Variants in ZNF100 observed in about 807,000 individuals in gnomAD.
The protein encoded by ZNF100 is zinc finger protein 100 (Y1).
In ZNF100, 12 loss-of-function variants were observed where a neutral mutation model predicts 15.8. The ratio of observed to expected loss-of-function variants is 0.76; its 90% CI spans 0.49 to 1.23. The LOEUF (loss-of-function observed/expected upper bound fraction) is 1.23, where lower values mean the gene tolerates loss of function less well. Among genes scored for constraint, ZNF100 ranks in the 50% most tolerant of loss-of-function variants. ZNF100 has a pLI of 0.00. For missense variants in ZNF100, 670 were observed against 635.6 expected (o/e 1.05, Z -0.58); for synonymous variants, 226 against 214.8 (o/e 1.05, Z -0.45).
chr19:21,756,186 C>G (rs2036390931), intron 2 of ZNF100, among the ~76,000 whole-genome samples: 1 of 151,916 alleles, frequency 6.6e-6, no homozygotes, highest in Admixed American at 6.6e-5. Context: ...TGTTTAAAAC[C>G]CTCAACAAAC....
chr19:21,731,245 A>G (rs1907745401), intron 4 of ZNF100, among the ~76,000 whole-genome samples: 1 of 149,372 alleles, frequency 6.7e-6, no homozygotes, highest in African/African-American at 2.5e-5. Flanking sequence ...TTTCATATCC[A>G]TAATTATTGC....
chr19:21,732,629 T>C (rs1041574514), intron 4 of ZNF100, among the ~76,000 whole-genome samples: 2 of 149,302 alleles, frequency 1.3e-5, no homozygotes, highest in African/African-American at 2.4e-5. Context: ...ATAAAATATA[T>C]ATATATATAA....
intron 2 of ZNF100, chr19:21,751,708 T>A (rs1356447736): frequency 8.3e-7 from 1 of 1,204,148 alleles, no homozygotes; most frequent in East Asian, 2.3e-5. Context: ...TTCCTGCTAG[T>A]GTTTATGCCA....
Position 21,726,419 on chromosome 19 carries a change from A to G in ZNF100, c.*264T>C, listed in dbSNP as rs2145677624. On this transcript the variant is annotated 3_prime_UTR_variant, in exon 5 of 5. Transcript: ENST00000358296. ...CTACAATCAAGTGTGACAACCATTTAAAACTTTATCACATTCTTCACATTT... is the reference window on the plus strand; with the variant it reads ...CTACAATCAAGTGTGACAACCATTTGAAACTTTATCACATTCTTCACATTT... 2.4e-6 allele frequency: 1 copy of G among 417,082 alleles called. No homozygotes were observed. 25.8% of individuals were successfully genotyped at this position (417,082 alleles called of 1,614,324 possible).
At chr19:21,751,149 G>A in intron 2 of ZNF100, 1 of 1,346,570 alleles carries the variant, frequency 7.4e-7, no homozygotes, top group East Asian at 2.3e-5. Context: ...TGCGAGACAA[G>A]AGGAAGAGCA....
chr19:21,762,763 A>G lies in ZNF100; in HGVS notation c.96+2931T>C, dbSNP rs191929561. On this transcript the variant is annotated intron_variant, in intron 2 of 4. Coordinates refer to ENST00000358296, the MANE Select transcript of ZNF100 (RefSeq NM_173531.4). Reference sequence around the variant, plus strand: ...AGGCATATTGAACCAAAGCAAATCCATTTTGAATAGGGCCTGGGTAAAACA... The same window carrying G: ...AGGCATATTGAACCAAAGCAAATCCGTTTTGAATAGGGCCTGGGTAAAACA... 3.6e-4 allele frequency among the ~76,000 whole-genome samples: 55 copies of G among 152,326 alleles called. No individual in the cohort carries two copies. In the East Asian group the frequency reaches 0.01, roughly 28 times the overall value.
intron 2 of ZNF100, among the ~76,000 whole-genome samples, chr19:21,756,034 G>T (rs2036388483): frequency 6.6e-6 from 1 of 152,036 alleles, no homozygotes; most frequent in Non-Finnish European, 1.5e-5. Flanking sequence ...TTCTGCAAGT[G>T]TATCTCCCTG....
In ZNF100 at chr19:21,724,613, GGATA is replaced by G. The variant is rs2035741503; in HGVS notation, c.*2066_*2069del. ...AAAACTGGGTTGCTTGTAATACAAA[GGATA>G]AATACTAGAGGTGATGGATACCTCA... is the stretch of plus-strand genomic sequence containing the variant. On this transcript the variant is annotated 3_prime_UTR_variant, in exon 5 of 5. Coordinates refer to ENST00000358296, the MANE Select transcript of ZNF100 (RefSeq NM_173531.4). 1 of 151,798 alleles carries G rather than the reference GGATA, an allele frequency of 6.6e-6. No homozygotes were observed. Among genetic ancestry groups the G allele is most frequent in the Non-Finnish European group, 1.5e-5 (1 of 67,944 alleles). The allele number at this position is 151,798 out of a possible 1,614,324, so 9.4% of individuals were successfully genotyped here.
At chr19:21,754,082 G>T (rs892108588) in intron 2 of ZNF100, among the ~76,000 whole-genome samples, 9 of 151,982 alleles carry the variant, frequency 5.9e-5, no homozygotes, top group Admixed American at 4.6e-4. Flanking sequence ...CTAATCCTAG[G>T]AATCTTGCTT....
In ZNF100 at chr19:21,726,631, T is replaced by A; in HGVS notation, c.*52A>T. 1 of 1,507,056 alleles carries A rather than the reference T, an allele frequency of 6.6e-7. No individual in the cohort carries two copies. The allele number at this position is 1,507,056 out of a possible 1,614,324, so 93.4% of individuals were successfully genotyped here. On this transcript the variant is annotated 3_prime_UTR_variant, in exon 5 of 5. Transcript: ENST00000358296. ...CACAGGAGTTCCCTCCAGTATGAAT[T>A]TTTTTATGTTTAGTAAGAGTTGAGG...
intron 1 of ZNF100, among the ~76,000 whole-genome samples, chr19:21,766,665 G>C (rs1215266217): frequency 2.0e-5 from 3 of 151,998 alleles, no homozygotes; most frequent in Non-Finnish European, 2.9e-5. Flanking sequence ...ACAAACCATA[G>C]CTGGATACTC....
At chr19:21,748,143 G>A (rs943756122) in intron 2 of ZNF100, among the ~76,000 whole-genome samples, 13 of 152,048 alleles carry the variant, frequency 8.5e-5, no homozygotes, top group African/African-American at 1.2e-4. Context: ...TGTAAGCACT[G>A]GTTTTAATAC....
chr19:21,752,612 T>C (rs1172965377), intron 2 of ZNF100: 1 of 152,638 alleles, frequency 6.6e-6, no homozygotes, highest in African/African-American at 2.4e-5. Context: ...GTTGCATTTC[T>C]TGTGAACTAT....
chr19:21,765,027 AC>A (rs1374754679), intron 2 of ZNF100, among the ~76,000 whole-genome samples: 2 of 152,182 alleles, frequency 1.3e-5, no homozygotes, highest in Admixed American at 6.5e-5. Context: ...AAAAAAACAC[AC>A]CTGAGAAAAT....
chr19:21,761,214 C>CA (rs2036478687), intron 2 of ZNF100, among the ~76,000 whole-genome samples: 3 of 151,824 alleles, frequency 2.0e-5, no homozygotes, highest in Admixed American at 6.6e-5. Flanking sequence ...TTTTCAGAGT[C>CA]AAAAAAACTA....
Position 21,727,340 on chromosome 19 carries a change from T to A in ZNF100, c.972A>T (p.Lys324Asn). The A allele has an allele frequency of 6.2e-7, 1 of 1,612,884 alleles. No homozygotes were observed. The highest frequency in any genetic ancestry group is 8.5e-7 in the Non-Finnish European group (1 of 1,179,592). ...TAAGGTGTGAGGACCGGTTAAAAGCTTTGCCACATTCTGTACATTTGTAGG... is the reference window on the plus strand; with the variant it reads ...TAAGGTGTGAGGACCGGTTAAAAGCATTGCCACATTCTGTACATTTGTAGG... ...VKPYKCTECG[K>N]AFNRSSHLTT... The change falls in exon 5 of 5, where the codon AAA (lysine) becomes AAT (asparagine). Residue 324 changes from lysine (K) to asparagine (N), a missense_variant. Physicochemically the swap from Lys to Asn is moderately conservative, Grantham distance 94 (BLOSUM62 0). Transcript: ENST00000358296.
At chr19:21,764,738 T>C (rs1255786517) in intron 2 of ZNF100, among the ~76,000 whole-genome samples, 7 of 152,082 alleles carry the variant, frequency 4.6e-5, no homozygotes, top group African/African-American at 1.2e-4. Context: ...CAATGAGTCA[T>C]ATGGGAGCAC....
chr19:21,728,025 C>A lies in ZNF100; in HGVS notation c.323-36G>T, dbSNP rs565330533. The A allele has an allele frequency of 1.6e-5, 23 of 1,443,094 alleles. No individual in the cohort carries two copies. The South Asian group carries it at 3.6e-4, about 23-fold the overall frequency. The allele number at this position is 1,443,094 out of a possible 1,614,324, so 89.4% of individuals were successfully genotyped here. On this transcript the variant is annotated intron_variant, in intron 4 of 4. Coordinates refer to ENST00000358296, the MANE Select transcript of ZNF100 (RefSeq NM_173531.4). ...TAAAAATAACAAATTACTTTACTTA[C>A]TAGACACAGATAGTTTACAAATCTA... is the stretch of plus-strand genomic sequence containing the variant.
At chr19:21,758,298 A>G (rs1177005739) in intron 2 of ZNF100, among the ~76,000 whole-genome samples, 1 of 150,464 alleles carries the variant, frequency 6.6e-6, no homozygotes, top group Non-Finnish European at 1.5e-5. Flanking sequence ...AAGGACAAAG[A>G]GGATCAGAAA....
Sources: gnomAD v4.1 joint callset for allele counts (sites outside exome capture counted in the v4.1 genomes callset) on GRCh38, gnomAD v4.1.1 for gene constraint, MANE v1.5 for transcripts, NCBI Gene and HGNC (gene_info 2026-07-23, HGNC 2026-07-21) for gene names.